The following TENM3 variants were observed in gnomAD, a reference collection of about 807,000 sequenced individuals.
TENM3 encodes teneurin-3.
In TENM3, 63 loss-of-function variants were observed where a neutral mutation model predicts 255.1. The observed-to-expected ratio is 0.25, with a 90% CI of 0.20 to 0.30. TENM3 has a LOEUF of 0.30. Among genes scored for constraint, TENM3 ranks in the 10% least tolerant of loss-of-function variants. TENM3 has a pLI of 1.00. For synonymous variants in TENM3, 1,306 were observed against 1,322.3 expected, an observed-to-expected ratio of 0.99 and a Z score of 0.27; for missense variants, 2,929 against 3,461.1, an observed-to-expected ratio of 0.85 and a Z score of 3.86.
chr4:182,800,563 C>T lies in TENM3; in HGVS notation c.*212C>T, dbSNP rs1766874879. 1.9e-6 allele frequency: 1 copy of T among 538,732 alleles called. No individual in the cohort carries two copies. Among genetic ancestry groups the T allele is most frequent in the Admixed American group, 3.8e-5 (1 of 26,596 alleles). 33.4% of individuals were successfully genotyped at this position (538,732 alleles called of 1,614,324 possible). A position where few individuals can be genotyped will look rare whatever the true frequency, so the allele number is the denominator to read the frequency against. Reference sequence around the variant, plus strand: ...AACGAATATGTTTACATATGCATAGCGCTGCACTCAGTCGGACTGAACGTA... The same window carrying T: ...AACGAATATGTTTACATATGCATAGTGCTGCACTCAGTCGGACTGAACGTA... On this transcript the variant is annotated 3_prime_UTR_variant, in exon 28 of 28. Transcript: ENST00000511685.
chr4:181,734,596 G>C, the TENM3 span, among the ~76,000 whole-genome samples: 3 of 152,200 alleles, frequency 2.0e-5, no homozygotes, highest in African/African-American at 4.8e-5. Context: ...TTTTCAAAGA[G>C]ATTCATATTT....
At chr4:182,106,821 C>A in the TENM3 span, among the ~76,000 whole-genome samples, 1 of 152,078 alleles carries the variant, frequency 6.6e-6, no homozygotes, top group Non-Finnish European at 1.5e-5. Context: ...GGGAAACTGG[C>A]CTACCATGTG....
the TENM3 span, among the ~76,000 whole-genome samples, chr4:182,058,558 G>T: frequency 9.5e-6 from 1 of 104,938 alleles, no homozygotes; most frequent in African/African-American, 3.7e-5. Flanking sequence ...AAGTTCACTA[G>T]CAAATGTGCT....
chr4:181,869,612 A>G, the TENM3 span, among the ~76,000 whole-genome samples: 2 of 152,128 alleles, frequency 1.3e-5, no homozygotes, highest in Non-Finnish European at 2.9e-5. Flanking sequence ...CCATAAATAT[A>G]TACAACTACT....
chr4:182,175,314 A>AAATAT (rs60217194), intron 1 of TENM3, among the ~76,000 whole-genome samples: 2,247 of 117,362 alleles, frequency 0.019, 26 homozygotes, highest in Admixed American at 0.025. Context: ...AAAAAAAAAA[A>AAATAT]ATATATATAT....
chr4:182,433,602 C>A (rs1306199319), intron 3 of TENM3, among the ~76,000 whole-genome samples: 1 of 152,110 alleles, frequency 6.6e-6, no homozygotes, highest in Non-Finnish European at 1.5e-5. Context: ...TCGTCAAGTG[C>A]AAGATAAAAC....
chr4:182,578,448 T>C (rs1267910736), intron 3 of TENM3, among the ~76,000 whole-genome samples: 1 of 152,022 alleles, frequency 6.6e-6, no homozygotes, highest in Non-Finnish European at 1.5e-5. Flanking sequence ...GAGGTTTTTA[T>C]GTTTGTTTTT....
the TENM3 span, among the ~76,000 whole-genome samples, chr4:181,921,402 A>T: frequency 1.4e-4 from 21 of 151,988 alleles, no homozygotes; most frequent in East Asian, 1.2e-3. Context: ...TATCCTCTGT[A>T]ATTTCATTGA....
At chr4:182,567,177 G>A (rs1426911229) in intron 3 of TENM3, among the ~76,000 whole-genome samples, 1 of 152,108 alleles carries the variant, frequency 6.6e-6, no homozygotes, top group Non-Finnish European at 1.5e-5. Context: ...CCTTTTTTGT[G>A]ATGGGATAAC....
At chr4:181,818,681 C>T in the TENM3 span, among the ~76,000 whole-genome samples, 1 of 150,404 alleles carries the variant, frequency 6.6e-6, no homozygotes, top group South Asian at 2.1e-4. Context: ...GTGATCTCAA[C>T]TCACTGCAAC....
chr4:181,757,643 A>G, the TENM3 span, among the ~76,000 whole-genome samples: 12 of 152,204 alleles, frequency 7.9e-5, no homozygotes, highest in Admixed American at 4.6e-4. Context: ...TACAGGCAGC[A>G]AAAGGATTAC....
chr4:181,455,086 T>G, the TENM3 span, among the ~76,000 whole-genome samples: 1 of 152,050 alleles, frequency 6.6e-6, no homozygotes, highest in African/African-American at 2.4e-5. Flanking sequence ...AGAACCGGGA[T>G]CAGAGTAGGT....
chr4:181,656,563 G>T, the TENM3 span, among the ~76,000 whole-genome samples: 1 of 152,070 alleles, frequency 6.6e-6, no homozygotes, highest in Non-Finnish European at 1.5e-5. Flanking sequence ...CAGCGGGGAG[G>T]GTCTGAGTTC....
At chr4:181,987,406 C>G in the TENM3 span, among the ~76,000 whole-genome samples, 1 of 152,162 alleles carries the variant, frequency 6.6e-6, no homozygotes, top group Non-Finnish European at 1.5e-5. Context: ...CACCTGACTG[C>G]AGCGCTAAAC....
At chr4:182,339,646 A>G (rs548830904) in intron 2 of TENM3, among the ~76,000 whole-genome samples, 1 of 152,092 alleles carries the variant, frequency 6.6e-6, no homozygotes, top group Non-Finnish European at 1.5e-5. Flanking sequence ...TTACTGCTCA[A>G]CTTGTATCTG....
At chr4:182,003,380 G>A in the TENM3 span, among the ~76,000 whole-genome samples, 3 of 151,906 alleles carry the variant, frequency 2.0e-5, no homozygotes, top group Admixed American at 2.0e-4. Context: ...CCAATACAAA[G>A]GTTTGGAAAT....
chr4:182,229,213 T>TAAAC (rs1321501028), intron 1 of TENM3, among the ~76,000 whole-genome samples: 1 of 152,216 alleles, frequency 6.6e-6, no homozygotes, highest in African/African-American at 2.4e-5. Context: ...TTCTTTTCAG[T>TAAAC]AAACAAATAT....
chr4:181,457,856 C>T, the TENM3 span, among the ~76,000 whole-genome samples: 1 of 151,732 alleles, frequency 6.6e-6, no homozygotes. Flanking sequence ...TAAAGAATAC[C>T]AGATTCTAGG....
At chr4:182,301,265 T>A (rs539322342) in intron 1 of TENM3, among the ~76,000 whole-genome samples, 1 of 152,318 alleles carries the variant, frequency 6.6e-6, no homozygotes, top group East Asian at 1.9e-4. Context: ...CCCCTGAAAT[T>A]TTTTCCTTCT....
Sources: allele counts gnomAD v4.1 joint callset (sites outside exome capture counted in the v4.1 genomes callset), GRCh38; gene constraint gnomAD v4.1.1; transcripts MANE v1.5; gene names NCBI Gene and HGNC (gene_info 2026-07-23, HGNC 2026-07-21).